ETHE1: variants seen among roughly 807,000 people sequenced by gnomAD.
The protein encoded by ETHE1 is persulfide dioxygenase ETHE1, mitochondrial.
ETHE1 carries 16 observed loss-of-function variants against 25.7 expected under a neutral mutation model. The ratio of observed to expected loss-of-function variants is 0.62; its 90% CI spans 0.42 to 0.95. The LOEUF (loss-of-function observed/expected upper bound fraction) is 0.95, where lower values mean the gene tolerates loss of function less well. Among genes scored for constraint, ETHE1 ranks in the 40% least tolerant of loss-of-function variants. The probability of loss-of-function intolerance (pLI) is 0.00; values close to 1 mark genes in which losing one functional copy is unlikely to be tolerated. For missense variants in ETHE1, 300 were observed against 333.6 expected, an observed-to-expected ratio of 0.90 and a Z score of 0.79; for synonymous variants, 139 against 135.9, an observed-to-expected ratio of 1.02 and a Z score of -0.16.
rs529990989 is a variant in ETHE1 at position 43,506,800 on chromosome 19, C to T, written c.*50G>A. On this transcript the variant is annotated 3_prime_UTR_variant, in exon 7 of 7. Transcript: ENST00000292147. ...GGTGCAGTGTCATTGCCGCCCTCTC[C>T]TCCCACCTAGTGCATTAATAGTGGA... is the stretch of plus-strand genomic sequence containing the variant. 4.5e-6 allele frequency: 7 copies of T among 1,551,930 alleles called. No homozygotes were observed. The South Asian group carries it at 5.6e-5, about 12-fold the overall frequency.
intron 3 of ETHE1, among the ~76,000 whole-genome samples, chr19:43,523,118 G>A (rs1972168311): frequency 6.6e-6 from 1 of 152,168 alleles, no homozygotes; most frequent in Non-Finnish European, 1.5e-5. Context: ...CAGAAGAATG[G>A]TGCCTTAGGA....
intron 3 of ETHE1, among the ~76,000 whole-genome samples, chr19:43,518,281 C>T (rs937417434): frequency 6.6e-6 from 1 of 151,464 alleles, no homozygotes; most frequent in South Asian, 2.1e-4. Context: ...CTTTGAGTCA[C>T]CGAGAGGGGA....
At position 43,508,019 on chromosome 19, in the gene ETHE1, G is replaced by C. The variant is rs774726187; in HGVS notation, c.637C>G (p.Pro213Ala). ...STVEEERTLN[P>A]RLTLSCEEFV... is the part of the protein sequence containing the mutation. The stretch of plus-strand genomic sequence containing the variant: ...TCCTCACAGCTGAGGGTGAGCCGAG[G>C]GTTCAGAGTCCTCTCCTCCTCCACG... Residue 213 changes from proline to alanine, a missense_variant, in exon 6 of 7, where the codon CCT becomes GCT. Physicochemically the swap from Pro to Ala is conservative, Grantham distance 27. Transcript: ENST00000292147. 1 of 1,614,130 alleles carries C rather than the reference G, an allele frequency of 6.2e-7. No homozygotes were observed. Among genetic ancestry groups the C allele is most frequent in the East Asian group, 2.2e-5 (1 of 44,876 alleles).
rs528062576 is a variant in ETHE1, at chr19:43,514,005, A to G, written c.376-2439T>C. ...CCAAAGTGCTGAGATAACAGGTGTGAGCCACCATGCCCGGCCTCAGATGAG... is the reference window on the plus strand; with the variant it reads ...CCAAAGTGCTGAGATAACAGGTGTGGGCCACCATGCCCGGCCTCAGATGAG... On this transcript the variant is annotated intron_variant, in intron 3 of 6. Transcript: ENST00000292147. 1.7e-3 allele frequency among the ~76,000 whole-genome samples: 265 copies of G among 152,226 alleles called. 1 individual carries two copies. The highest frequency in any genetic ancestry group is 3.6e-3 in the Admixed American group (55 of 15,276).
intron 4 of ETHE1, among the ~76,000 whole-genome samples, chr19:43,509,665 G>A (rs1357227119): frequency 2.0e-5 from 3 of 150,390 alleles, no homozygotes; most frequent in African/African-American, 4.9e-5. Flanking sequence ...GCGTGATGGC[G>A]GGCGCCTGTA....
chr19:43,521,526 G>A (rs1226206753), intron 3 of ETHE1, among the ~76,000 whole-genome samples: 1 of 151,872 alleles, frequency 6.6e-6, no homozygotes. Flanking sequence ...GCTAATCCTT[G>A]AAACAGCCTC....
intron 4 of ETHE1, among the ~76,000 whole-genome samples, chr19:43,509,904 G>C (rs1365594633): frequency 6.6e-6 from 1 of 152,194 alleles, no homozygotes; most frequent in Non-Finnish European, 1.5e-5. Flanking sequence ...CTAAGTAGGG[G>C]GCAAACCTCT....
Position 43,511,440 on chromosome 19 carries a change from G to T in ETHE1, c.502C>A (p.Gln168Lys), listed in dbSNP as rs1221844273. Residue 168 changes from glutamine to lysine, a missense_variant, in exon 4 of 7, where the codon CAA (glutamine) becomes AAA (lysine). Coordinates refer to ENST00000292147, the MANE Select transcript of ETHE1 (RefSeq NM_014297.5). ...IRGCGRTDFQ[Q>K]GCAKTLYHSV... The stretch of plus-strand genomic sequence containing the variant: ...GCTGGATAAAGGAGCTGGTCACCTT[G>T]CTGGAAGTCTGTCCGCCCACACCCA... The T allele has an allele frequency of 8.1e-6, 13 of 1,614,076 alleles. No individual in the cohort carries two copies. The highest frequency in any genetic ancestry group is 1.3e-5 in the African/African-American group (1 of 74,936).
At position 43,508,077 on chromosome 19, in the gene ETHE1, G is replaced by C; in HGVS notation, c.596-17C>G. ...CTGTGAACCCTAGGGGCCAAGGGAG[G>C]GGAAGGAAAGTCAAGGAGTCTAGTG... is the stretch of plus-strand genomic sequence containing the variant. On this transcript the variant is annotated splice_polypyrimidine_tract_variant and intron_variant, in intron 5 of 6. Coordinates refer to ENST00000292147, the MANE Select transcript of ETHE1 (RefSeq NM_014297.5). 6.2e-7 allele frequency: 1 copy of C among 1,613,002 alleles called. No homozygotes were observed. The highest frequency in any genetic ancestry group is 8.5e-7 in the Non-Finnish European group (1 of 1,179,824).
Position 43,508,804 on chromosome 19 carries a change from C to G in ETHE1, c.566G>C (p.Cys189Ser). The G allele has an allele frequency of 6.2e-7, 1 of 1,608,300 alleles. No individual in the cohort carries two copies. Among genetic ancestry groups the G allele is most frequent in the Non-Finnish European group, 8.5e-7 (1 of 1,177,740 alleles). The change falls in exon 5 of 7, where the codon TGT becomes TCT. Residue 189 changes from cysteine (C) to serine (S), a missense_variant. Transcript: ENST00000292147. ...HEKIFTLPGD[C>S]LIYPAHDYHG... ...GTAATCGTGAGCAGGGTAGATCAGACAGTCTCCTGGAAGTGTGAAGATCTT... is the reference window on the plus strand; with the variant it reads ...GTAATCGTGAGCAGGGTAGATCAGAGAGTCTCCTGGAAGTGTGAAGATCTT...
In ETHE1 at chr19:43,521,970, T is replaced by C. The variant is rs562448410; in HGVS notation, c.375+4231A>G. 2.0e-5 allele frequency among the ~76,000 whole-genome samples: 3 copies of C among 152,134 alleles called. No individual in the cohort carries two copies. In the East Asian group the frequency reaches 5.8e-4, roughly 29 times the overall value. On this transcript the variant is annotated intron_variant, in intron 3 of 6. Coordinates refer to ENST00000292147, the MANE Select transcript of ETHE1 (RefSeq NM_014297.5). ...TAATTCACTTTGTACTTTGGGAGGC[T>C]GAGGCAAGGAGGATCGCTTGAGCCT...
Position 43,507,044 on chromosome 19 carries a change from G to A in ETHE1, c.713-142C>T, listed in dbSNP as rs954255216. The A allele has an allele frequency of 3.7e-5, 30 of 814,116 alleles. 1 individual carries two copies. The African/African-American group carries it at 4.1e-4, about 11-fold the overall frequency. The allele number at this position is 814,116 out of a possible 1,614,324, so 50.4% of individuals were successfully genotyped here. Reference sequence around the variant, plus strand: ...AGCCCACTCCTTCCCTCAGACCCAGGAGTCCAGTACCCCAGCCCCTCCTCC... The same window carrying A: ...AGCCCACTCCTTCCCTCAGACCCAGAAGTCCAGTACCCCAGCCCCTCCTCC... On this transcript the variant is annotated intron_variant, in intron 6 of 6. Coordinates refer to ENST00000292147, the MANE Select transcript of ETHE1 (RefSeq NM_014297.5).
At chr19:43,510,078 C>T (rs1240291540) in intron 4 of ETHE1, among the ~76,000 whole-genome samples, 1 of 152,090 alleles carries the variant, frequency 6.6e-6, no homozygotes, top group East Asian at 1.9e-4. Flanking sequence ...GCTTCCACGG[C>T]CATCTCATCA....
chr19:43,511,563 A>G lies in ETHE1; in HGVS notation c.379T>C (p.Leu127=), dbSNP rs150091315. The G allele has an allele frequency of 9.9e-6, 16 of 1,613,380 alleles. 1 individual carries two copies. In the African/African-American group the frequency reaches 1.9e-4, roughly 19 times the overall value. Residue 127 remains leucine, a synonymous_variant, in exon 4 of 7, where the codon TTG becomes CTG. Coordinates refer to ENST00000292147, the MANE Select transcript of ETHE1 (RefSeq NM_014297.5). ...TGGCCAGGGCTGGCCCTGGTCTCCA[A>G]CGCCTGGCAGGGGTGGAAGAGTACA... ...GDSIRFGRFA[L]ETRASPGHTP...
At chr19:43,519,426 T>C (rs1367466998) in intron 3 of ETHE1, among the ~76,000 whole-genome samples, 2 of 152,302 alleles carry the variant, frequency 1.3e-5, no homozygotes, top group South Asian at 2.1e-4. Context: ...GCAGCCTTCA[T>C]TGTCCCTGAA....
intron 3 of ETHE1, among the ~76,000 whole-genome samples, chr19:43,524,337 A>G (rs372170826): frequency 9.2e-5 from 14 of 151,678 alleles, no homozygotes; most frequent in African/African-American, 3.4e-4. Flanking sequence ...GTAAACCAAG[A>G]TCGCACCACT....
intron 3 of ETHE1, among the ~76,000 whole-genome samples, chr19:43,513,846 C>T (rs753271478): frequency 7.2e-5 from 11 of 151,964 alleles, no homozygotes; most frequent in African/African-American, 2.2e-4. Context: ...CTCAGCCTCC[C>T]GAGTAGTTGA....
Position 43,511,566 on chromosome 19 carries a change from C to A in ETHE1, c.376G>T (p.Ala126Ser). The A allele has an allele frequency of 1.9e-6, 3 of 1,613,136 alleles. No individual in the cohort carries two copies. Among genetic ancestry groups the A allele is most frequent in the Non-Finnish European group, 2.5e-6 (3 of 1,179,984 alleles). ...CCAGGGCTGGCCCTGGTCTCCAACG[C>A]CTGGCAGGGGTGGAAGAGTACAGAG... is the stretch of plus-strand genomic sequence containing the variant. Reference protein sequence around the residue: ...DGDSIRFGRFALETRASPGHT... With the variant: ...DGDSIRFGRFSLETRASPGHT... The change falls in exon 4 of 7, where the codon GCG becomes TCG. Residue 126 changes from alanine to serine, a missense_variant and splice_region_variant. Ala to Ser is a moderately conservative substitution (Grantham distance 99, BLOSUM62 1). Transcript: ENST00000292147.
At chr19:43,520,252 C>G in intron 3 of ETHE1, among the ~76,000 whole-genome samples, 1 of 152,110 alleles carries the variant, frequency 6.6e-6, no homozygotes, top group East Asian at 1.9e-4. Flanking sequence ...GCTACTGCTA[C>G]TCGGGAGGCT....
Sources: allele counts gnomAD v4.1 joint callset (sites outside exome capture counted in the v4.1 genomes callset), GRCh38; gene constraint gnomAD v4.1.1; transcripts MANE v1.5; gene names NCBI Gene and HGNC (gene_info 2026-07-23, HGNC 2026-07-21).